ATP13A4: variants seen among roughly 807,000 people sequenced by gnomAD.
ATP13A4 encodes the protein ATPase 13A4.
A neutral mutation model predicts 142.5 loss-of-function variants in ATP13A4; 114 were observed. The observed-to-expected ratio is 0.80, with a 90% CI of 0.69 to 0.93. The LOEUF (loss-of-function observed/expected upper bound fraction) is 0.93. Among genes scored for constraint, ATP13A4 ranks in the 40% least tolerant of loss-of-function variants. The pLI is 0.00. For synonymous variants in ATP13A4, 488 were observed against 514.8 expected (o/e 0.95, Z 0.70); for missense variants, 1,392 against 1,454.0 (o/e 0.96, Z 0.69).
chr3:193,457,453 A>C lies in ATP13A4; in HGVS notation c.1687T>G (p.Ser563Ala). The change falls in exon 15 of 30, where the codon TCT becomes GCT. Residue 563 changes from serine (S) to alanine (A), a missense_variant. Transcript: ENST00000342695. ...CCCTTGATGTGGAAATCGTCCCCAG[A>C]AAAAGCCATTTCCTATTTCACAAAT... ...FEATTWEMAF[S>A]GDDFHIKGVP... The C allele has an allele frequency of 2.5e-6, 4 of 1,614,002 alleles. No homozygotes were observed. Among genetic ancestry groups the C allele is most frequent in the Non-Finnish European group, 3.4e-6 (4 of 1,179,906 alleles).
At chr3:193,491,209 A>T (rs1719923873) in intron 6 of ATP13A4, 120 bp downstream of exon 6, 1 of 822,604 alleles carries the variant, frequency 1.2e-6, no homozygotes, top group Non-Finnish European at 2.1e-6. Flanking sequence ...TGCTTGGCAT[A>T]CTTTCAAAAT....
rs1424022873 is a variant in ATP13A4 at position 193,462,789 on chromosome 3, C to T, written c.1496G>A (p.Trp499Ter). The change falls in exon 13 of 30, where the codon TGG becomes TAG. Residue 499 changes from tryptophan (W) to a stop codon, truncating the protein, a stop_gained. Transcript: ENST00000342695. LOFTEE classifies it high-confidence loss of function. Reference protein sequence around the residue: ...GTLTRDGLDLWGVVSCDRNGF... With the variant: ...GTLTRDGLDL Reference sequence around the variant, plus strand: ...ATTCCTATCACAGGACACGACTCCCCAGAGGTCCAAGCCGTCCCTTGTTAA... The same window carrying T: ...ATTCCTATCACAGGACACGACTCCCTAGAGGTCCAAGCCGTCCCTTGTTAA... The T allele has an allele frequency of 3.1e-6, 5 of 1,613,978 alleles. No homozygotes were observed. Among genetic ancestry groups the T allele is most frequent in the Non-Finnish European group, 3.4e-6 (4 of 1,179,906 alleles).
intron 5 of ATP13A4, among the ~76,000 whole-genome samples, chr3:193,492,113 G>A (rs1719977500): frequency 6.6e-6 from 1 of 152,142 alleles, no homozygotes; most frequent in Non-Finnish European, 1.5e-5. Context: ...AGATCATGTG[G>A]TGATATTGTT....
At chr3:193,425,667 T>C (rs895101469) in intron 25 of ATP13A4, among the ~76,000 whole-genome samples, 42 of 151,662 alleles carry the variant, frequency 2.8e-4, no homozygotes, top group Non-Finnish European at 5.9e-4. Context: ...GTTGATCTCA[T>C]AGAAGTAGAG....
At chr3:193,455,414 C>A (rs1245057384) in intron 16 of ATP13A4, among the ~76,000 whole-genome samples, 2 of 148,786 alleles carry the variant, frequency 1.3e-5, no homozygotes, top group Non-Finnish European at 3.0e-5. Context: ...ATAAGACCAA[C>A]AATCACACAC....
At chr3:193,559,397 C>T (rs1056335212), upstream of ATP13A4, among the ~76,000 whole-genome samples, 4 of 152,102 alleles carry the variant, frequency 2.6e-5, no homozygotes, top group Non-Finnish European at 5.9e-5. Context: ...CACAAATCTG[C>T]TATTTGTAAA....
chr3:193,506,672 G>C (rs1204934621), intron 2 of ATP13A4, among the ~76,000 whole-genome samples: 1 of 152,132 alleles, frequency 6.6e-6, no homozygotes, highest in Non-Finnish European at 1.5e-5. Context: ...GGGACCCAGT[G>C]GGGGGTAATT....
intron 1 of ATP13A4, among the ~76,000 whole-genome samples, chr3:193,517,746 G>A (rs1268761418): frequency 6.6e-6 from 1 of 151,874 alleles, no homozygotes; most frequent in Non-Finnish European, 1.5e-5. Context: ...GCCTCCCAAA[G>A]TGCTGGGAGC....
At chr3:193,588,715 CTGTTG>C (rs1290076851) in intron 1 of ATP13A4, among the ~76,000 whole-genome samples, 1 of 152,130 alleles carries the variant, frequency 6.6e-6, no homozygotes, top group Non-Finnish European at 1.5e-5. Context: ...TGGGTAGTAA[CTGTTG>C]CTACCCATTA....
In ATP13A4 at chr3:193,442,409, ATG is replaced by A. The variant is rs1716697640; in HGVS notation, c.2298_2299del (p.Ile767TyrfsTer10). 6.2e-7 allele frequency: 1 copy of A among 1,613,848 alleles called. No individual in the cohort carries two copies. The highest frequency in any genetic ancestry group is 8.5e-7 in the Non-Finnish European group (1 of 1,179,878). ...CAGGAGTACCTGATTCCCATACATA[ATG>A]TGTTTCTTCTCTTCTACTAACGTCC... On this transcript the variant is annotated frameshift_variant, in exon 19 of 30. Transcript: ENST00000342695. LOFTEE classifies it high-confidence loss of function.
At chr3:193,570,105 G>T (rs1449593049) in intron 2 of ATP13A4, among the ~76,000 whole-genome samples, 1 of 152,096 alleles carries the variant, frequency 6.6e-6, no homozygotes, top group Non-Finnish European at 1.5e-5. Flanking sequence ...TCTGAGAAAA[G>T]CCTGGGCAAC....
At position 193,523,304 on chromosome 3, in the gene ATP13A4, CA is replaced by C. The variant is rs79970405; in HGVS notation, c.61-8434del. 7.1e-3 allele frequency among the ~76,000 whole-genome samples: 955 copies of C among 134,890 alleles called. 12 individuals are homozygous for C. In the East Asian group the frequency reaches 0.076, roughly 11 times the overall value. 88.5% of individuals were successfully genotyped at this position (134,890 alleles called of 152,430 possible). Reference sequence around the variant, plus strand: ...GGGCAACAAGAGTGAAACTCCGTCTCAAAAAAAAAAAAATCAAAATGAGCCC... The same window carrying C: ...GGGCAACAAGAGTGAAACTCCGTCTCAAAAAAAAAAAATCAAAATGAGCCC... On this transcript the variant is annotated intron_variant, in intron 1 of 29. Transcript: ENST00000342695.
At position 193,593,081 on chromosome 3, in the gene ATP13A4, A is replaced by G. The variant is rs1724892992; in HGVS notation, n.31T>C. 4.4e-5 allele frequency: 17 copies of G among 384,534 alleles called. No homozygotes were observed. The East Asian group carries it at 4.9e-4, about 11-fold the overall frequency. 23.8% of individuals were successfully genotyped at this position (384,534 alleles called of 1,614,324 possible). On this transcript the variant is annotated non_coding_transcript_exon_variant, in exon 1 of 4. Coordinates refer to the ATP13A4 transcript ENST00000489140. ...AGAGGGCGGGGCCCCGTGAGAGGCGATGGATTGCTCCAGTCCGTTCCCGAC... is the reference window on the plus strand; with the variant it reads ...AGAGGGCGGGGCCCCGTGAGAGGCGGTGGATTGCTCCAGTCCGTTCCCGAC...
At chr3:193,522,230 C>T (rs1263992709) in intron 1 of ATP13A4, among the ~76,000 whole-genome samples, 5 of 152,080 alleles carry the variant, frequency 3.3e-5, no homozygotes, top group East Asian at 1.9e-4. Flanking sequence ...ACAGATTGGC[C>T]GACAGAAAAG....
upstream of ATP13A4, among the ~76,000 whole-genome samples, chr3:193,558,167 T>C (rs1238425318): frequency 6.6e-6 from 1 of 152,230 alleles, no homozygotes; most frequent in African/African-American, 2.4e-5. Context: ...AGCGACTCAG[T>C]CCTTCTATGC....
intron 1 of ATP13A4, among the ~76,000 whole-genome samples, chr3:193,528,131 C>T (rs545393244): frequency 2.6e-5 from 4 of 152,272 alleles, no homozygotes; most frequent in Admixed American, 6.5e-5. Flanking sequence ...CAAATTGGTG[C>T]ATGTTGTGCA....
intron 26 of ATP13A4, among the ~76,000 whole-genome samples, 175 bp from the exon 27 acceptor site, chr3:193,412,546 C>T (rs1338984717): frequency 4.8e-5 from 7 of 146,552 alleles, no homozygotes; most frequent in African/African-American, 1.8e-4. Flanking sequence ...CACACACACA[C>T]ACACACACTG....
At chr3:193,463,285 T>G (rs4686641) in intron 12 of ATP13A4, among the ~76,000 whole-genome samples, 74,649 of 151,870 alleles carry the variant, frequency 0.49, 18,604 homozygotes, top group African/African-American at 0.59. Flanking sequence ...TGAATGGATG[T>G]GAAAGTCCTC....
intron 13 of ATP13A4, among the ~76,000 whole-genome samples, chr3:193,462,222 CAA>C (rs57279285): frequency 6.9e-4 from 76 of 109,772 alleles, no homozygotes; most frequent in East Asian, 1.9e-3. Flanking sequence ...AACTCCGTCT[CAA>C]AAAAAAAAAA....
Sources: allele counts gnomAD v4.1 joint callset (sites outside exome capture counted in the v4.1 genomes callset), GRCh38; gene constraint gnomAD v4.1.1; transcripts MANE v1.5; gene names NCBI Gene and HGNC (gene_info 2026-07-23, HGNC 2026-07-21).